XKR9: variants seen among roughly 807,000 people sequenced by gnomAD.
The protein encoded by XKR9 is XK-related protein 9.
Under a neutral mutation model 32.0 loss-of-function variants are expected in XKR9, and 32 were observed. The ratio of observed to expected loss-of-function variants is 1.00; its 90% CI spans 0.76 to 1.34. The LOEUF (loss-of-function observed/expected upper bound fraction) is 1.34. XKR9 is among the 40% of genes most tolerant of loss of function. The pLI is 0.00. For missense variants in XKR9, 546 were observed against 429.7 expected, an observed-to-expected ratio of 1.27 and a Z score of -2.39; for synonymous variants, 168 against 143.4, an observed-to-expected ratio of 1.17 and a Z score of -1.22.
the XKR9 span, among the ~76,000 whole-genome samples, chr8:71,056,334 A>G: frequency 4.6e-5 from 7 of 152,028 alleles, no homozygotes; most frequent in African/African-American, 1.7e-4. Flanking sequence ...AGGTTGTTCT[A>G]ATTTTACATT....
chr8:71,022,952 T>A, the XKR9 span, among the ~76,000 whole-genome samples: 1 of 152,158 alleles, frequency 6.6e-6, no homozygotes, highest in African/African-American at 2.4e-5. Flanking sequence ...TGTTTTTTTT[T>A]AATGATATCT....
chr8:70,698,289 T>G (rs944630140), intron 3 of XKR9, among the ~76,000 whole-genome samples: 51 of 152,214 alleles, frequency 3.4e-4, no homozygotes, highest in Non-Finnish European at 6.3e-4. Flanking sequence ...GGTGTCAATT[T>G]TTGATCTTTC....
the XKR9 span, among the ~76,000 whole-genome samples, chr8:71,013,621 A>G: frequency 2.0e-5 from 3 of 152,190 alleles, no homozygotes; most frequent in Non-Finnish European, 4.4e-5. Context: ...AGATGGCAGA[A>G]TGTTGATCGC....
At chr8:70,930,076 G>T in the XKR9 span, among the ~76,000 whole-genome samples, 6 of 152,154 alleles carry the variant, frequency 3.9e-5, no homozygotes, top group South Asian at 6.2e-4. Flanking sequence ...ATATGAACTT[G>T]TAGTGGGTAG....
the XKR9 span, among the ~76,000 whole-genome samples, chr8:70,908,601 T>A: frequency 6.6e-6 from 1 of 152,220 alleles, no homozygotes; most frequent in South Asian, 2.1e-4. Context: ...TGGAGCCATA[T>A]GGTCTTTGTT....
At chr8:71,011,688 G>A in the XKR9 span, among the ~76,000 whole-genome samples, 9 of 152,076 alleles carry the variant, frequency 5.9e-5, no homozygotes, top group Admixed American at 5.9e-4. Flanking sequence ...TCTTTAGCTG[G>A]AACTCTGGAA....
the XKR9 span, among the ~76,000 whole-genome samples, chr8:70,978,186 C>G: frequency 1.3e-5 from 2 of 152,110 alleles, no homozygotes; most frequent in Non-Finnish European, 1.5e-5. Context: ...GACTCTTTAT[C>G]CAATTTGCCA....
chr8:70,934,697 C>T, the XKR9 span, among the ~76,000 whole-genome samples: 3 of 151,928 alleles, frequency 2.0e-5, no homozygotes, highest in South Asian at 2.1e-4. Context: ...TCAGCAAATT[C>T]GTATTTCAAA....
chr8:70,687,366 CCTTT>C (rs1399329904), intron 3 of XKR9, among the ~76,000 whole-genome samples: 13 of 103,922 alleles, frequency 1.3e-4, no homozygotes, highest in South Asian at 6.7e-4. Context: ...TTCTCTCTTT[CCTTT>C]CTTTCTCTTT....
At chr8:70,808,524 G>A in the XKR9 span, among the ~76,000 whole-genome samples, 3 of 152,148 alleles carry the variant, frequency 2.0e-5, no homozygotes, top group African/African-American at 7.2e-5. Context: ...AAGCACAAGG[G>A]GTCAGGGAAT....
the XKR9 span, among the ~76,000 whole-genome samples, chr8:70,870,307 A>G: frequency 2.0e-5 from 3 of 152,244 alleles, no homozygotes; most frequent in African/African-American, 4.8e-5. Flanking sequence ...CCTGTCCCAC[A>G]GGTTCACAGT....
intron 2 of XKR9, among the ~76,000 whole-genome samples, chr8:70,779,607 TATTA>T (rs1807587568): frequency 6.6e-6 from 1 of 152,186 alleles, no homozygotes; most frequent in Admixed American, 6.6e-5. Flanking sequence ...GTTGGTAGGC[TATTA>T]ATTATTGCCT....
At chr8:70,739,549 T>A (rs1207997273), downstream of XKR9, among the ~76,000 whole-genome samples, 1 of 152,184 alleles carries the variant, frequency 6.6e-6, no homozygotes, top group African/African-American at 2.4e-5. Flanking sequence ...GTTGATGCAG[T>A]TTCTTCCTAG....
intron 2 of XKR9, among the ~76,000 whole-genome samples, chr8:70,778,757 A>G (rs572591860): frequency 3.9e-5 from 6 of 152,120 alleles, no homozygotes; most frequent in East Asian, 1.9e-4. Context: ...TTTGTCTGTT[A>G]TTGGTGTATA....
chr8:70,815,752 C>T, the XKR9 span, among the ~76,000 whole-genome samples: 1 of 152,082 alleles, frequency 6.6e-6, no homozygotes, highest in Admixed American at 6.6e-5. Flanking sequence ...GTCTCGATCT[C>T]CTGACCTTGT....
the XKR9 span, among the ~76,000 whole-genome samples, chr8:71,014,999 A>G: frequency 6.6e-6 from 1 of 152,188 alleles, no homozygotes; most frequent in Admixed American, 6.5e-5. Flanking sequence ...GCTGGGATAA[A>G]ATGCCACATG....
At chr8:70,942,795 G>A in the XKR9 span, among the ~76,000 whole-genome samples, 41 of 151,972 alleles carry the variant, frequency 2.7e-4, 2 homozygotes, top group South Asian at 5.2e-3. Context: ...CATACTGCCC[G>A]GCACAAAATA....
the XKR9 span, among the ~76,000 whole-genome samples, chr8:70,946,465 T>G: frequency 6.6e-6 from 1 of 152,180 alleles, no homozygotes; most frequent in South Asian, 2.1e-4. Context: ...ATCCAGGCGC[T>G]CTGCATACAT....
chr8:70,697,959 AG>A (rs1162362107), intron 3 of XKR9, among the ~76,000 whole-genome samples: 2 of 151,972 alleles, frequency 1.3e-5, no homozygotes, highest in Non-Finnish European at 2.9e-5. Context: ...TAGATTTTCT[AG>A]TTTATTTGTG....
Sources: gnomAD v4.1 joint callset for allele counts (sites outside exome capture counted in the v4.1 genomes callset) on GRCh38, gnomAD v4.1.1 for gene constraint, MANE v1.5 for transcripts, NCBI Gene and HGNC (gene_info 2026-07-23, HGNC 2026-07-21) for gene names.